Variants in ZNF726 observed in about 807,000 individuals in gnomAD.
The protein encoded by ZNF726 is zinc finger protein 92 pseudogene 3.
Under a neutral mutation model 11.6 loss-of-function variants are expected in ZNF726, and 15 were observed. The observed-to-expected ratio is 1.29, with a 90% CI of 0.86 to 1.99. ZNF726 has a LOEUF of 1.99. Among genes scored for constraint, ZNF726 ranks in the 30% most tolerant of loss-of-function variants. The pLI is 0.00. For missense variants in ZNF726, 890 were observed against 725.6 expected (o/e 1.23, Z -2.60); for synonymous variants, 295 against 243.6 (o/e 1.21, Z -1.96).
rs1285875174 is a variant in ZNF726 at position 23,932,706 on chromosome 19, C to T, written c.590C>T (p.Thr197Ile). The T allele has an allele frequency of 2.5e-6, 4 of 1,606,266 alleles. No individual in the cohort carries two copies. Among genetic ancestry groups the T allele is most frequent in the Non-Finnish European group, 3.4e-6 (4 of 1,177,802 alleles). ...HKTQHKSIYTTEKSYKCKECG... is the reference protein window; with the variant it reads ...HKTQHKSIYTIEKSYKCKECG... ...ACCCAGCATAAAAGCATATATACTA[C>T]AGAGAAGTCCTACAAATGTAAAGAA... The change falls in exon 4 of 4, where the codon ACA becomes ATA. Residue 197 changes from threonine to isoleucine, a missense_variant. Physicochemically the swap from Thr to Ile is moderately conservative, Grantham distance 89 (BLOSUM62 -1). Coordinates refer to ENST00000594466, the MANE Select transcript of ZNF726 (RefSeq NM_001244038.2).
At chr19:23,934,614 C>T, downstream of ZNF726, 1 of 302,808 alleles carries the variant, frequency 3.3e-6, no homozygotes, top group Non-Finnish European at 6.4e-6. Flanking sequence ...CTCTCCTCTC[C>T]AGCTCCTCTC....
chr19:23,937,630 G>A (rs530316741), downstream of ZNF726, among the ~76,000 whole-genome samples: 15 of 151,354 alleles, frequency 9.9e-5, no homozygotes, highest in South Asian at 1.7e-3. Context: ...ATGGGATGGC[G>A]GCCGGGCAGA....
At position 23,920,043 on chromosome 19, in the gene ZNF726, T is replaced by A. The variant is rs1330228042; in HGVS notation, c.187T>A (p.Trp63Arg). 1 of 1,590,660 alleles carries A rather than the reference T, an allele frequency of 6.3e-7. No homozygotes were observed. Reference sequence around the variant, plus strand: ...CTGTCTGGAGAAAGAAAAAGAGCCCTGGAATATGAAGCGAGATGAGATGGT... The same window carrying A: ...CTGTCTGGAGAAAGAAAAAGAGCCCAGGAATATGAAGCGAGATGAGATGGT... ...IICLEKEKEPWNMKRDEMVDE... is the reference protein window; with the variant it reads ...IICLEKEKEPRNMKRDEMVDE... Residue 63 changes from tryptophan to arginine, a missense_variant, in exon 3 of 4, where the codon TGG becomes AGG. Coordinates refer to ENST00000594466, the MANE Select transcript of ZNF726 (RefSeq NM_001244038.2).
chr19:23,925,946 T>C (rs1967977033), intron 3 of ZNF726, among the ~76,000 whole-genome samples: 1 of 151,360 alleles, frequency 6.6e-6, no homozygotes. Flanking sequence ...GGAACACCTG[T>C]CCTCGTGATC....
chr19:23,937,305 G>A (rs970244829), downstream of ZNF726, among the ~76,000 whole-genome samples: 148 of 151,876 alleles, frequency 9.7e-4, no homozygotes, highest in Middle Eastern at 3.4e-3. Flanking sequence ...CCTCCCTTCC[G>A]GACGAGGTGG....
At chr19:23,938,175 TA>T (rs1473996908), downstream of ZNF726, among the ~76,000 whole-genome samples, 2 of 152,220 alleles carry the variant, frequency 1.3e-5, no homozygotes, top group Non-Finnish European at 2.9e-5. Flanking sequence ...TCCTATAGGT[TA>T]AATTTTATTC....
At chr19:23,930,460 ATATAT>A (rs1177658370) in intron 3 of ZNF726, among the ~76,000 whole-genome samples, 1 of 152,094 alleles carries the variant, frequency 6.6e-6, no homozygotes, top group East Asian at 1.9e-4. Flanking sequence ...ATTTTTTAGT[ATATAT>A]TATAATTGTG....
In ZNF726 at chr19:23,932,979, A is replaced by C; in HGVS notation, c.863A>C (p.Glu288Ala). 5 of 1,612,596 alleles carry C rather than the reference A, an allele frequency of 3.1e-6. No individual in the cohort carries two copies. Among genetic ancestry groups the C allele is most frequent in the Non-Finnish European group, 4.2e-6 (5 of 1,179,834 alleles). The change falls in exon 4 of 4, where the codon GAA becomes GCA. Residue 288 changes from glutamate to alanine, a missense_variant. By Grantham distance (107) the Glu-to-Ala change is moderately radical. Transcript: ENST00000594466. ...IHTGEKPCKC[E>A]ECGKAFSQPS... ...ACTGGAGAGAAACCCTGCAAATGTG[A>C]AGAATGTGGCAAAGCATTTAGCCAA...
At chr19:23,932,168 T>C (rs1374274347) in intron 3 of ZNF726, among the ~76,000 whole-genome samples, 175 bp from the exon 4 acceptor site, 1 of 152,106 alleles carries the variant, frequency 6.6e-6, no homozygotes, top group Non-Finnish European at 1.5e-5. Flanking sequence ...TTCCCACAGA[T>C]GTATTTTGGT....
intron 3 of ZNF726, among the ~76,000 whole-genome samples, chr19:23,942,909 G>GT (rs1241648716): frequency 1.1e-4 from 17 of 152,156 alleles, no homozygotes; most frequent in African/African-American, 3.9e-4. Context: ...CTGCAGTTCT[G>GT]TGTCTTTTAA....
chr19:23,919,547 A>AT (rs750051502), intron 2 of ZNF726, 48 bp downstream of exon 2: 1 of 1,515,904 alleles, frequency 6.6e-7, no homozygotes, highest in South Asian at 1.3e-5. Flanking sequence ...TAAAGCTTTT[A>AT]TTTTTCTTTT....
At chr19:23,918,293 C>A (rs1444899947) in intron 1 of ZNF726, among the ~76,000 whole-genome samples, 1 of 152,110 alleles carries the variant, frequency 6.6e-6, no homozygotes. Context: ...AGAATAATTT[C>A]TTACAGTATT....
At chr19:23,934,616 G>C (rs11668278), downstream of ZNF726, 68,356 of 296,478 alleles carry the variant, frequency 0.23, 8,316 homozygotes, top group African/African-American at 0.26. Flanking sequence ...CTCCTCTCCA[G>C]CTCCTCTCTT....
At chr19:23,937,182 G>A (rs1206174243), downstream of ZNF726, among the ~76,000 whole-genome samples, 2 of 150,462 alleles carry the variant, frequency 1.3e-5, no homozygotes, top group Non-Finnish European at 3.0e-5. Flanking sequence ...TGGCCGGGTG[G>A]GTGGCTGACC....
At chr19:23,943,868 C>G in intron 4 of ZNF726, 1 of 240,086 alleles carries the variant, frequency 4.2e-6, no homozygotes. Flanking sequence ...TATACCTGCT[C>G]TTCCATTGCT....
intron 3 of ZNF726, among the ~76,000 whole-genome samples, chr19:23,925,759 C>T (rs1184531112): frequency 6.8e-6 from 1 of 146,792 alleles, no homozygotes; most frequent in East Asian, 2.0e-4. Flanking sequence ...CTCTGTCACC[C>T]AGGCTGAAGT....
chr19:23,943,287 C>A (rs1244147284), intron 3 of ZNF726, among the ~76,000 whole-genome samples: 2 of 152,178 alleles, frequency 1.3e-5, no homozygotes, highest in Non-Finnish European at 2.9e-5. Context: ...TATCCAGGAC[C>A]AATTTTAAAT....
At chr19:23,929,206 A>C (rs962815375) in intron 3 of ZNF726, 1 of 152,046 alleles carries the variant, frequency 6.6e-6, no homozygotes, top group Non-Finnish European at 1.5e-5. Flanking sequence ...CTTAAATTTC[A>C]TTTTAATTGT....
At chr19:23,924,804 A>T (rs1967943058) in intron 3 of ZNF726, among the ~76,000 whole-genome samples, 2 of 151,978 alleles carry the variant, frequency 1.3e-5, no homozygotes, top group South Asian at 4.1e-4. Flanking sequence ...GAGGGTCAGG[A>T]TTACTTGACG....
Sources: allele counts gnomAD v4.1 joint callset (sites outside exome capture counted in the v4.1 genomes callset), GRCh38; gene constraint gnomAD v4.1.1; transcripts MANE v1.5; gene names NCBI Gene and HGNC (gene_info 2026-07-23, HGNC 2026-07-21).